NBAS: variants seen among roughly 807,000 people sequenced by gnomAD.
NBAS encodes the protein NBAS subunit of NRZ tethering complex, also known as NAG/BC035112 fusion.
NBAS carries 219 observed loss-of-function variants against 302.5 expected under a neutral mutation model. That is an observed-to-expected ratio of 0.72 (90% confidence interval 0.65 to 0.81). The LOEUF (loss-of-function observed/expected upper bound fraction) is 0.81. Ranked by LOEUF, NBAS falls within the 30% of genes least tolerant of loss-of-function variation. The pLI, the probability that NBAS is intolerant of heterozygous loss-of-function variation, is 0.00. For synonymous variants in NBAS, 1,118 were observed against 1,021.6 expected, an observed-to-expected ratio of 1.09 and a Z score of -1.80; for missense variants, 2,932 against 2,841.6, an observed-to-expected ratio of 1.03 and a Z score of -0.72.
intron 31 of NBAS, among the ~76,000 whole-genome samples, chr2:15,371,551 C>T (rs538437396): frequency 2.0e-5 from 3 of 152,216 alleles, no homozygotes; most frequent in Admixed American, 6.5e-5. Context: ...ATTATTATCC[C>T]AATCTGAGAA....
At chr2:15,502,712 G>A (rs1291325447) in intron 11 of NBAS, among the ~76,000 whole-genome samples, 1 of 152,236 alleles carries the variant, frequency 6.6e-6, no homozygotes, top group Non-Finnish European at 1.5e-5. Context: ...GTGCGAGTGA[G>A]TGGCAAGTGA....
At chr2:15,302,128 T>C (rs1670828808) in intron 40 of NBAS, among the ~76,000 whole-genome samples, 1 of 152,142 alleles carries the variant, frequency 6.6e-6, no homozygotes, top group Non-Finnish European at 1.5e-5. Context: ...GGTGGAGAGA[T>C]GGAAACAAAT....
intron 12 of NBAS, among the ~76,000 whole-genome samples, chr2:15,487,346 A>G (rs995998288): frequency 7.9e-5 from 12 of 152,228 alleles, no homozygotes; most frequent in African/African-American, 2.9e-4. Flanking sequence ...TTGTGCATCA[A>G]GAAGTAGAGT....
intron 21 of NBAS, among the ~76,000 whole-genome samples, chr2:15,446,605 A>T (rs1400285092): frequency 6.6e-6 from 1 of 152,202 alleles, no homozygotes; most frequent in African/African-American, 2.4e-5. Context: ...AGCAATGAAG[A>T]GGACTGGAAA....
intron 44 of NBAS, among the ~76,000 whole-genome samples, chr2:15,246,730 G>A (rs946380424): frequency 2.6e-5 from 4 of 152,218 alleles, no homozygotes; most frequent in Non-Finnish European, 5.9e-5. Context: ...GGGCACAACG[G>A]CATCAAGCTA....
At chr2:14,992,846 G>A in the NBAS span, among the ~76,000 whole-genome samples, 2 of 152,114 alleles carry the variant, frequency 1.3e-5, no homozygotes, top group African/African-American at 2.4e-5. Flanking sequence ...GACCTTCGCT[G>A]GCCATGGAAT....
chr2:14,823,172 T>C, the NBAS span, among the ~76,000 whole-genome samples: 1 of 152,248 alleles, frequency 6.6e-6, no homozygotes, highest in Middle Eastern at 3.2e-3. Flanking sequence ...TGTGCATTAA[T>C]GAGCAGTTAA....
At chr2:14,985,145 C>T in the NBAS span, among the ~76,000 whole-genome samples, 13 of 152,176 alleles carry the variant, frequency 8.5e-5, no homozygotes, top group South Asian at 1.9e-3. Context: ...GGGAAGGCTT[C>T]GGAATTGGTA....
intron 8 of NBAS, among the ~76,000 whole-genome samples, chr2:15,535,570 A>T (rs191597290): frequency 1.3e-5 from 2 of 151,582 alleles, no homozygotes; most frequent in East Asian, 3.9e-4. Flanking sequence ...AAATAAAAAT[A>T]AAAAAATAAA....
chr2:15,152,195 A>G, the NBAS span, among the ~76,000 whole-genome samples: 335 of 152,334 alleles, frequency 2.2e-3, 1 homozygote, highest in African/African-American at 7.6e-3. Flanking sequence ...AATAACAAAA[A>G]CATAAAGAGA....
Position 15,287,183 on chromosome 2 carries a change from T to C in NBAS, c.5028A>G (p.Glu1676=), listed in dbSNP as rs2148091059. Residue 1676 remains glutamate, a splice_region_variant and synonymous_variant, in exon 42 of 52, where the codon GAA becomes GAG. Coordinates refer to ENST00000281513, the MANE Select transcript of NBAS (RefSeq NM_015909.4). The part of the protein sequence containing the change: ...YKRETILGLA[E]TLEESVYSIA... ...TGCTGTAGACGCTTTCCTCTAGAGT[T>C]CTGCAGAAATGTCCATCAAGCCCAG... 1 of 1,611,014 alleles carries C rather than the reference T, an allele frequency of 6.2e-7. No individual in the cohort carries two copies. Among genetic ancestry groups the C allele is most frequent in the East Asian group, 2.2e-5 (1 of 44,858 alleles).
intron 48 of NBAS, among the ~76,000 whole-genome samples, chr2:15,203,892 G>GTGCT (rs1472194167): frequency 7.7e-6 from 1 of 129,922 alleles, no homozygotes; most frequent in Non-Finnish European, 1.7e-5. Flanking sequence ...GTGTGTGCTT[G>GTGCT]TGTGTGTGTG....
At chr2:14,977,845 T>A in the NBAS span, among the ~76,000 whole-genome samples, 74 of 152,346 alleles carry the variant, frequency 4.9e-4, 1 homozygote, top group South Asian at 0.015. Flanking sequence ...TTGGCCTTAC[T>A]CCAATTCTTC....
chr2:14,989,468 G>C, the NBAS span, among the ~76,000 whole-genome samples: 4 of 152,028 alleles, frequency 2.6e-5, no homozygotes, highest in Admixed American at 2.6e-4. Flanking sequence ...TGAGGCAGGA[G>C]AATCGCCTAA....
At chr2:15,239,056 G>A (rs1161053611) in intron 44 of NBAS, among the ~76,000 whole-genome samples, 1 of 152,000 alleles carries the variant, frequency 6.6e-6, no homozygotes, top group East Asian at 1.9e-4. Context: ...CAGGCATAAA[G>A]ATTTTAACTG....
At chr2:14,835,196 G>A in the NBAS span, among the ~76,000 whole-genome samples, 1 of 151,922 alleles carries the variant, frequency 6.6e-6, no homozygotes, top group East Asian at 1.9e-4. Flanking sequence ...CACATCAATT[G>A]AGATGTGTAG....
intron 40 of NBAS, among the ~76,000 whole-genome samples, chr2:15,300,363 A>G (rs896529539): frequency 1.3e-5 from 2 of 152,234 alleles, no homozygotes; most frequent in Non-Finnish European, 2.9e-5. Context: ...AATTTCCAAG[A>G]TGATTCATCT....
At chr2:15,386,978 C>T (rs1160445157) in intron 28 of NBAS, among the ~76,000 whole-genome samples, 2 of 151,908 alleles carry the variant, frequency 1.3e-5, no homozygotes, top group Non-Finnish European at 2.9e-5. Context: ...GTAAGCCAGA[C>T]ATCAAGCATA....
the NBAS span, among the ~76,000 whole-genome samples, chr2:15,019,129 A>G: frequency 1.3e-5 from 2 of 152,252 alleles, no homozygotes; most frequent in African/African-American, 4.8e-5. Context: ...GACATGAGAC[A>G]ATTTACATTC....
Sources: gnomAD v4.1 joint callset for allele counts (sites outside exome capture counted in the v4.1 genomes callset) on GRCh38, gnomAD v4.1.1 for gene constraint, MANE v1.5 for transcripts, NCBI Gene and HGNC (gene_info 2026-07-23, HGNC 2026-07-21) for gene names.